The following ENTREP2 variants were observed in gnomAD, a reference collection of about 807,000 sequenced individuals.
The protein encoded by ENTREP2 is endosomal transmembrane epsin interactor 2.
At chr15:29,136,465 G>A in the ENTREP2 span, 13 of 1,548,624 alleles carry the variant, frequency 8.4e-6, no homozygotes, top group East Asian at 2.9e-4. Flanking sequence ...CATACAAAGT[G>A]CCGAATGGAG....
the ENTREP2 span, among the ~76,000 whole-genome samples, chr15:29,622,354 C>T: frequency 1.3e-5 from 2 of 151,992 alleles, no homozygotes; most frequent in African/African-American, 4.8e-5. Context: ...TACAGGTGCC[C>T]ATGACCACGC....
chr15:29,416,473 TTA>T, the ENTREP2 span, among the ~76,000 whole-genome samples: 2 of 152,212 alleles, frequency 1.3e-5, no homozygotes, highest in African/African-American at 4.8e-5. Flanking sequence ...GATCTCTTCC[TTA>T]CACCTTATAC....
chr15:29,189,420 C>T, the ENTREP2 span, among the ~76,000 whole-genome samples: 4 of 142,602 alleles, frequency 2.8e-5, no homozygotes, highest in African/African-American at 7.7e-5. Context: ...AATTGTCTTG[C>T]TTTTTTTTTT....
chr15:29,578,252 A>G, the ENTREP2 span, among the ~76,000 whole-genome samples: 1 of 152,224 alleles, frequency 6.6e-6, no homozygotes. Context: ...CCAACGTGGA[A>G]AACAGTCTGG....
the ENTREP2 span, among the ~76,000 whole-genome samples, chr15:29,307,576 C>G: frequency 6.6e-6 from 1 of 152,188 alleles, no homozygotes; most frequent in Non-Finnish European, 1.5e-5. Flanking sequence ...TGTGCCCTCT[C>G]CATTCATATG....
At chr15:29,656,399 G>A in the ENTREP2 span, among the ~76,000 whole-genome samples, 5 of 151,968 alleles carry the variant, frequency 3.3e-5, no homozygotes, top group Admixed American at 2.0e-4. Flanking sequence ...GTAGTTTTTC[G>A]TATTTTTAAT....
chr15:29,496,584 A>G, the ENTREP2 span, among the ~76,000 whole-genome samples: 1 of 152,020 alleles, frequency 6.6e-6, no homozygotes, highest in Non-Finnish European at 1.5e-5. Context: ...GTTGAGGCAT[A>G]TTATTTCTAT....
At chr15:29,120,425 T>C in the ENTREP2 span, 1 of 152,254 alleles carries the variant, frequency 6.6e-6, no homozygotes, top group African/African-American at 2.4e-5. Flanking sequence ...GGGAGAAGCA[T>C]GTGTGTGTAG....
At chr15:29,293,535 C>G in the ENTREP2 span, among the ~76,000 whole-genome samples, 9 of 152,226 alleles carry the variant, frequency 5.9e-5, no homozygotes, top group South Asian at 1.9e-3. Flanking sequence ...GGATTACAGG[C>G]ATGAGCCACC....
At chr15:29,227,881 G>C in the ENTREP2 span, among the ~76,000 whole-genome samples, 4 of 152,216 alleles carry the variant, frequency 2.6e-5, no homozygotes, top group East Asian at 7.7e-4. Context: ...GCAGTTCTGA[G>C]CCAAGATATG....
At chr15:29,206,259 G>A in the ENTREP2 span, among the ~76,000 whole-genome samples, 1 of 152,112 alleles carries the variant, frequency 6.6e-6, no homozygotes, top group East Asian at 1.9e-4. Flanking sequence ...GCAGTTTTCT[G>A]GGACTTCTAT....
chr15:29,461,206 G>A, the ENTREP2 span, among the ~76,000 whole-genome samples: 1 of 152,160 alleles, frequency 6.6e-6, no homozygotes, highest in Non-Finnish European at 1.5e-5. Context: ...AAGCCTCCAT[G>A]ACTGTTATTT....
the ENTREP2 span, among the ~76,000 whole-genome samples, chr15:29,251,706 C>T: frequency 2.1e-5 from 3 of 144,256 alleles, no homozygotes; most frequent in East Asian, 4.1e-4. Context: ...AACACAAATT[C>T]GTAAACTTTC....
the ENTREP2 span, among the ~76,000 whole-genome samples, chr15:29,379,899 C>A: frequency 1.3e-5 from 2 of 152,094 alleles, no homozygotes; most frequent in African/African-American, 4.8e-5. Flanking sequence ...TCTGTCTGCA[C>A]CATGAAGGTG....
the ENTREP2 span, among the ~76,000 whole-genome samples, chr15:29,464,641 G>A: frequency 6.6e-6 from 1 of 152,180 alleles, no homozygotes; most frequent in Non-Finnish European, 1.5e-5. Flanking sequence ...GAGAAATGCT[G>A]AGCAGATGAG....
the ENTREP2 span, among the ~76,000 whole-genome samples, chr15:29,211,460 T>C: frequency 6.6e-6 from 1 of 152,242 alleles, no homozygotes; most frequent in South Asian, 2.1e-4. Context: ...GTTTTCAGAA[T>C]ATGGGAAATT....
chr15:29,572,735 T>C, the ENTREP2 span, among the ~76,000 whole-genome samples: 7 of 151,840 alleles, frequency 4.6e-5, no homozygotes, highest in African/African-American at 1.7e-4. Flanking sequence ...GAAGAATGAG[T>C]TGCAAGCCCC....
chr15:29,200,995 A>C, the ENTREP2 span, among the ~76,000 whole-genome samples: 1 of 152,206 alleles, frequency 6.6e-6, no homozygotes, highest in African/African-American at 2.4e-5. Flanking sequence ...GTATCTTTTT[A>C]AGCGATTTTT....
At chr15:29,633,629 G>A in the ENTREP2 span, among the ~76,000 whole-genome samples, 1 of 152,186 alleles carries the variant, frequency 6.6e-6, no homozygotes, top group South Asian at 2.1e-4. Context: ...ATGTCAGAAG[G>A]AAACTATTTT....
Sources: allele counts gnomAD v4.1 joint callset (sites outside exome capture counted in the v4.1 genomes callset), GRCh38; gene constraint gnomAD v4.1.1; transcripts MANE v1.5; gene names NCBI Gene and HGNC (gene_info 2026-07-23, HGNC 2026-07-21).